Variants in PRKN observed in about 807,000 individuals in gnomAD.
PRKN encodes parkin RBR E3 ubiquitin protein ligase, also known as E3 ubiquitin-protein ligase parkin.
A neutral mutation model predicts 59.5 loss-of-function variants in PRKN; 56 were observed. The ratio of observed to expected loss-of-function variants is 0.94; its 90% CI spans 0.76 to 1.18. PRKN has a LOEUF of 1.18. Ranked by LOEUF, PRKN falls within the 50% of genes most tolerant of loss-of-function variation. The pLI, the probability that PRKN is intolerant of heterozygous loss-of-function variation, is 0.00. For missense variants in PRKN, 657 were observed against 596.4 expected (o/e 1.10, Z -1.06); for synonymous variants, 250 against 222.1 (o/e 1.13, Z -1.12).
chr6:162,229,753 A>G (rs1020092396), intron 3 of PRKN, among the ~76,000 whole-genome samples: 1 of 152,160 alleles, frequency 6.6e-6, no homozygotes, highest in Non-Finnish European at 1.5e-5. Flanking sequence ...TCTATCCAGC[A>G]CTCGACTTAG....
At chr6:162,205,402 T>A (rs1387734810) in intron 3 of PRKN, among the ~76,000 whole-genome samples, 2 of 152,130 alleles carry the variant, frequency 1.3e-5, no homozygotes, top group Non-Finnish European at 2.9e-5. Flanking sequence ...GGCTTAAGGG[T>A]TGAAGACAGG....
intron 2 of PRKN, among the ~76,000 whole-genome samples, chr6:162,380,358 T>A (rs925321645): frequency 6.7e-6 from 1 of 150,072 alleles, no homozygotes; most frequent in Non-Finnish European, 1.5e-5. Flanking sequence ...TCATTATTCA[T>A]TTAGGAAAGG....
chr6:161,399,816 G>C lies in PRKN; in HGVS notation c.1084-12939C>G, dbSNP rs1468698727. Among the ~76,000 whole-genome samples, 2 of 152,076 alleles carry C rather than the reference G, an allele frequency of 1.3e-5. No homozygotes were observed. The highest frequency in any genetic ancestry group is 3.8e-4 in the East Asian group (2 of 5,202). ...CCGTGAAAGGATACAGCCTAGAACAGTGCTGTCCAATTGAAACAGCAATAA... is the reference window on the plus strand; with the variant it reads ...CCGTGAAAGGATACAGCCTAGAACACTGCTGTCCAATTGAAACAGCAATAA... On this transcript the variant is annotated intron_variant, in intron 9 of 11. Transcript: ENST00000366898. This position sits in a 1 kb window ranked among gnomAD's most constrained non-coding sequence, Gnocchi z 4.4.
chr6:162,518,780 G>A (rs1364868875), intron 1 of PRKN, among the ~76,000 whole-genome samples: 1 of 152,044 alleles, frequency 6.6e-6, no homozygotes, highest in Non-Finnish European at 1.5e-5. Context: ...TAGTACCCTA[G>A]AAAACACAGC....
At chr6:161,652,248 A>T (rs750994573) in intron 7 of PRKN, among the ~76,000 whole-genome samples, 2 of 152,244 alleles carry the variant, frequency 1.3e-5, no homozygotes, top group Non-Finnish European at 2.9e-5. Flanking sequence ...GGCTATTTGT[A>T]TAAAAGAAAG....
intron 1 of PRKN, among the ~76,000 whole-genome samples, chr6:162,587,286 C>A (rs1481869665): frequency 2.0e-5 from 3 of 152,116 alleles, no homozygotes; most frequent in Non-Finnish European, 4.4e-5. Context: ...CAGGCATGCA[C>A]CACCACATTC....
chr6:162,156,690 T>TC (rs1782530296), intron 4 of PRKN, among the ~76,000 whole-genome samples: 1 of 152,152 alleles, frequency 6.6e-6, no homozygotes, highest in Non-Finnish European at 1.5e-5. Flanking sequence ...GTCCACTGAC[T>TC]TAAAAGTTAA....
At chr6:161,755,619 A>G (rs1456196203) in intron 7 of PRKN, among the ~76,000 whole-genome samples, 2 of 152,136 alleles carry the variant, frequency 1.3e-5, no homozygotes, top group Non-Finnish European at 2.9e-5. Context: ...TGATGATGAT[A>G]ATGATGAAAA....
At chr6:162,315,121 A>G (rs1032068748) in intron 2 of PRKN, among the ~76,000 whole-genome samples, 1 of 152,162 alleles carries the variant, frequency 6.6e-6, no homozygotes, top group Admixed American at 6.5e-5. Flanking sequence ...TTCCTTCCTT[A>G]TATGCCTCTC....
At chr6:161,896,229 TC>T (rs1422142333) in intron 6 of PRKN, among the ~76,000 whole-genome samples, 1 of 152,206 alleles carries the variant, frequency 6.6e-6, no homozygotes, top group East Asian at 1.9e-4. Context: ...AGGTGGGGTC[TC>T]CCCTTGAACC....
At chr6:161,843,649 G>T (rs1239587404) in intron 6 of PRKN, among the ~76,000 whole-genome samples, 1 of 152,162 alleles carries the variant, frequency 6.6e-6, no homozygotes, top group Non-Finnish European at 1.5e-5. Context: ...AATTAGATAG[G>T]CATGGTGGCG....
chr6:161,904,145 CCAA>C (rs1416853211), intron 6 of PRKN, among the ~76,000 whole-genome samples: 1 of 151,684 alleles, frequency 6.6e-6, no homozygotes, highest in Non-Finnish European at 1.5e-5. Context: ...GTCTTGGAGC[CCAA>C]CAACTTTTTA....
intron 6 of PRKN, among the ~76,000 whole-genome samples, chr6:161,927,901 T>G (rs570415932): frequency 4.6e-5 from 7 of 152,288 alleles, no homozygotes; most frequent in South Asian, 4.1e-4. Flanking sequence ...AATCTGTATA[T>G]CATTGTTAAG....
intron 7 of PRKN, among the ~76,000 whole-genome samples, chr6:161,712,726 A>C (rs1247831149): frequency 6.6e-6 from 1 of 152,162 alleles, no homozygotes; most frequent in East Asian, 1.9e-4. Context: ...TACGTATATA[A>C]ATGTCATGAC....
intron 1 of PRKN, among the ~76,000 whole-genome samples, chr6:162,512,583 G>A (rs1257004520): frequency 1.3e-5 from 2 of 152,082 alleles, no homozygotes; most frequent in Non-Finnish European, 2.9e-5. Context: ...TCCGTCATAG[G>A]TGTTACTAAT....
At chr6:162,128,649 T>C (rs76644185) in intron 4 of PRKN, among the ~76,000 whole-genome samples, 20,770 of 152,218 alleles carry the variant, frequency 0.14, 1,612 homozygotes, top group Middle Eastern at 0.2. Context: ...TGAATGTATG[T>C]ATACCTCCCA....
At chr6:162,554,073 T>C (rs1779448659) in intron 1 of PRKN, among the ~76,000 whole-genome samples, 1 of 152,102 alleles carries the variant, frequency 6.6e-6, no homozygotes, top group South Asian at 2.1e-4. Flanking sequence ...TGAAGTAACA[T>C]CTAGTTCGAC....
At chr6:161,980,601 G>A (rs989387987) in intron 5 of PRKN, among the ~76,000 whole-genome samples, 3 of 152,204 alleles carry the variant, frequency 2.0e-5, no homozygotes, top group Admixed American at 2.0e-4. Context: ...AGAAGGTATT[G>A]GAGTCACCAC....
At chr6:162,275,161 C>G (rs1343423388) in intron 2 of PRKN, 1 of 150,876 alleles carries the variant, frequency 6.6e-6, no homozygotes, top group Non-Finnish European at 1.5e-5. Context: ...TGCTGGGATT[C>G]CTGTAAGGGT....
Sources: gnomAD v4.1 joint callset for allele counts (sites outside exome capture counted in the v4.1 genomes callset) on GRCh38, gnomAD v4.1.1 for gene constraint, Gnocchi (gnomAD v3.1) non-coding constraint, MANE v1.5 for transcripts, NCBI Gene and HGNC (gene_info 2026-07-23, HGNC 2026-07-21) for gene names.